Variants in RTTN observed in about 807,000 individuals in gnomAD.
RTTN encodes rotatin.
A neutral mutation model predicts 269.2 loss-of-function variants in RTTN; 182 were observed. That is an observed-to-expected ratio of 0.68 (90% CI 0.60 to 0.76). The LOEUF (loss-of-function observed/expected upper bound fraction) is 0.76. Ranked by LOEUF, RTTN falls within the 30% of genes least tolerant of loss-of-function variation. RTTN has a pLI of 0.00. For synonymous variants in RTTN, 1,006 were observed against 963.5 expected, an observed-to-expected ratio of 1.04 and a Z score of -0.82; for missense variants, 2,545 against 2,608.6, an observed-to-expected ratio of 0.98 and a Z score of 0.53.
At chr18:70,164,167 G>C (rs1050316745) in intron 14 of RTTN, among the ~76,000 whole-genome samples, 4 of 151,692 alleles carry the variant, frequency 2.6e-5, no homozygotes, top group Non-Finnish European at 4.4e-5. Flanking sequence ...TTATGCCACT[G>C]AATTGTACAC....
Position 70,187,569 on chromosome 18 carries a change from A to G in RTTN, c.1305+539T>C, listed in dbSNP as rs535235512. Among the ~76,000 whole-genome samples the G allele has an allele frequency of 2.0e-5, 3 of 152,340 alleles. No homozygotes were observed. The South Asian group carries it at 6.2e-4, about 32-fold the overall frequency. ...ATGGGTAACGGTAGCTTTAAGGCAC[A>G]GTATTTTGACTGTATATCCTTAGTG... is the stretch of plus-strand genomic sequence containing the variant. On this transcript the variant is annotated intron_variant, in intron 10 of 48. Transcript: ENST00000640769.
intron 30 of RTTN, among the ~76,000 whole-genome samples, chr18:70,090,587 T>C (rs1206579968): frequency 6.6e-6 from 1 of 152,170 alleles, no homozygotes; most frequent in Middle Eastern, 3.2e-3. Context: ...ATGAAACCTC[T>C]GATAAGGGAG....
rs142896790 is a variant in RTTN, at chr18:70,029,112, T to G, written c.5746-311A>C. Among the ~76,000 whole-genome samples, 4 of 151,538 alleles carry G rather than the reference T, an allele frequency of 2.6e-5. No homozygotes were observed. In the East Asian group the frequency reaches 7.8e-4, roughly 30 times the overall value. ...GAGAGATTTTCAATAATATCAGGTGTTGGCTGACTTTCTCAATGATGAAGG... is the reference window on the plus strand; with the variant it reads ...GAGAGATTTTCAATAATATCAGGTGGTGGCTGACTTTCTCAATGATGAAGG... On this transcript the variant is annotated intron_variant, in intron 42 of 48. Coordinates refer to ENST00000640769, the MANE Select transcript of RTTN (RefSeq NM_173630.4).
At chr18:70,033,745 A>G (rs762870042) in intron 40 of RTTN, among the ~76,000 whole-genome samples, 4 of 152,222 alleles carry the variant, frequency 2.6e-5, no homozygotes, top group Non-Finnish European at 5.9e-5. Flanking sequence ...AGACTGAGAC[A>G]TGAAAAACCA....
intron 28 of RTTN, among the ~76,000 whole-genome samples, chr18:70,093,259 T>TAA (rs57211704): frequency 6.7e-6 from 1 of 148,178 alleles, no homozygotes; most frequent in African/African-American, 2.5e-5. Flanking sequence ...TTAAAGTCTG[T>TAA]AAAAAAAAAA....
intron 7 of RTTN, among the ~76,000 whole-genome samples, chr18:70,195,108 C>T (rs929922327): frequency 6.6e-6 from 1 of 152,118 alleles, no homozygotes; most frequent in African/African-American, 2.4e-5. Context: ...ATACTCTGGC[C>T]CCTAACTACC....
chr18:70,169,313 AAC>A (rs2061075760), intron 11 of RTTN, among the ~76,000 whole-genome samples: 2 of 150,670 alleles, frequency 1.3e-5, no homozygotes, highest in Non-Finnish European at 3.0e-5. Context: ...CTAAGATACT[AAC>A]TACTTTCTTC....
At chr18:70,100,976 T>G (rs554834581) in intron 28 of RTTN, among the ~76,000 whole-genome samples, 12 of 152,348 alleles carry the variant, frequency 7.9e-5, no homozygotes, top group African/African-American at 2.9e-4. Flanking sequence ...GGATTCAGTT[T>G]GCCAGTATTT....
At chr18:70,144,298 A>T (rs958317159) in intron 18 of RTTN, among the ~76,000 whole-genome samples, 3 of 152,132 alleles carry the variant, frequency 2.0e-5, no homozygotes, top group Non-Finnish European at 1.5e-5. Flanking sequence ...CAGACCTATG[A>T]CTCAAGATTT....
rs192957593 is a variant in RTTN at position 70,105,198 on chromosome 18, C to T, written c.3903+4300G>A. ...TTACCTACTCAAGCCTCAGCAATGGCGGACACCCCTCCCCCAGCCTCGCTG... is the reference window on the plus strand; with the variant it reads ...TTACCTACTCAAGCCTCAGCAATGGTGGACACCCCTCCCCCAGCCTCGCTG... On this transcript the variant is annotated intron_variant, in intron 28 of 48. Coordinates refer to ENST00000640769, the MANE Select transcript of RTTN (RefSeq NM_173630.4). 3.3e-4 allele frequency among the ~76,000 whole-genome samples: 50 copies of T among 152,286 alleles called. 1 individual carries two copies. The highest frequency in any genetic ancestry group is 2.7e-3 in the Admixed American group (41 of 15,302).
At chr18:70,082,904 G>A (rs547441729) in intron 32 of RTTN, among the ~76,000 whole-genome samples, 20 of 151,786 alleles carry the variant, frequency 1.3e-4, no homozygotes, top group African/African-American at 4.6e-4. Context: ...TGTTGCCCAG[G>A]CTAGTCTCAA....
chr18:70,166,330 A>G (rs957991475), intron 13 of RTTN, 142 bp from the exon 14 acceptor site: 2 of 742,310 alleles, frequency 2.7e-6, no homozygotes, highest in African/African-American at 3.5e-5. Flanking sequence ...ACTAGCAAGT[A>G]CTCACCTAAG....
intron 32 of RTTN, among the ~76,000 whole-genome samples, chr18:70,077,193 A>G (rs2058449980): frequency 1.3e-5 from 2 of 151,974 alleles, no homozygotes; most frequent in Non-Finnish European, 2.9e-5. Context: ...TTATAATGAT[A>G]CAAAGAACCA....
intron 16 of RTTN, among the ~76,000 whole-genome samples, chr18:70,149,479 C>A (rs1047243546): frequency 4.0e-5 from 6 of 150,478 alleles, no homozygotes; most frequent in African/African-American, 1.5e-4. Context: ...TTCTGAACTC[C>A]ACCTTTTCAT....
At chr18:70,200,404 C>A (rs1298744705) in intron 4 of RTTN, among the ~76,000 whole-genome samples, 1 of 152,186 alleles carries the variant, frequency 6.6e-6, no homozygotes, top group Non-Finnish European at 1.5e-5. Context: ...GTAACAATCT[C>A]AATCCCCCTT....
intron 9 of RTTN, among the ~76,000 whole-genome samples, chr18:70,188,801 C>G (rs895199871): frequency 1.3e-5 from 2 of 152,186 alleles, no homozygotes; most frequent in African/African-American, 4.8e-5. Flanking sequence ...TCCACAGAGA[C>G]AGAATAACAA....
chr18:70,184,714 T>TGTGTG (rs1195408237), intron 10 of RTTN, among the ~76,000 whole-genome samples: 42 of 53,472 alleles, frequency 7.9e-4, no homozygotes, highest in African/African-American at 1.5e-3. Context: ...TTTTTTTTTT[T>TGTGTG]TTTGTGTGTG....
intron 2 of RTTN, among the ~76,000 whole-genome samples, chr18:70,204,775 CATT>C (rs1359066124): frequency 6.6e-6 from 1 of 152,206 alleles, no homozygotes; most frequent in Non-Finnish European, 1.5e-5. Context: ...GGTTATGTAA[CATT>C]ATTTTTAAAG....
intron 21 of RTTN, chr18:70,138,484 T>G (rs1331218825): frequency 6.6e-6 from 1 of 152,140 alleles, no homozygotes; most frequent in African/African-American, 2.4e-5. Flanking sequence ...GTTCCATGCT[T>G]GAATAATTTA....
Sources: allele counts gnomAD v4.1 joint callset (sites outside exome capture counted in the v4.1 genomes callset), GRCh38; gene constraint gnomAD v4.1.1; transcripts MANE v1.5; gene names NCBI Gene and HGNC (gene_info 2026-07-23, HGNC 2026-07-21).